RBFOX1: variants seen among roughly 807,000 people sequenced by gnomAD.
RBFOX1 encodes the protein RNA binding fox-1 homolog 1, also known as RNA binding protein fox-1 homolog 1.
RBFOX1 carries 8 observed loss-of-function variants against 57.7 expected under a neutral mutation model. That is an observed-to-expected ratio of 0.14 (90% CI 0.08 to 0.25). RBFOX1 has a LOEUF of 0.25. Among genes scored for constraint, RBFOX1 ranks in the 10% least tolerant of loss-of-function variants. The pLI, the probability that RBFOX1 is intolerant of heterozygous loss-of-function variation, is 1.00. For missense variants in RBFOX1, 611 were observed against 548.5 expected (o/e 1.11, Z -1.14); for synonymous variants, 326 against 222.4 (o/e 1.47, Z -4.15).
At chr16:7,091,793 C>T (rs1304019487) in intron 4 of RBFOX1, among the ~76,000 whole-genome samples, 1 of 152,176 alleles carries the variant, frequency 6.6e-6, no homozygotes, top group African/African-American at 2.4e-5. Flanking sequence ...ACTCTACATT[C>T]TAGAGCTTCG....
intron 2 of RBFOX1, among the ~76,000 whole-genome samples, chr16:5,528,889 A>G (rs1264330460): frequency 6.6e-6 from 1 of 152,034 alleles, no homozygotes; most frequent in African/African-American, 2.4e-5. Flanking sequence ...AGCTCAAGTG[A>G]TCCATCTGCT....
intron 3 of RBFOX1, among the ~76,000 whole-genome samples, chr16:6,871,155 C>G (rs2060799252): frequency 6.6e-6 from 1 of 152,112 alleles, no homozygotes; most frequent in African/African-American, 2.4e-5. Flanking sequence ...TTGAATAAAC[C>G]AACTGAAGTT....
At chr16:7,172,617 C>G (rs1231583425) in intron 4 of RBFOX1, among the ~76,000 whole-genome samples, 2 of 152,108 alleles carry the variant, frequency 1.3e-5, no homozygotes, top group Non-Finnish European at 2.9e-5. Context: ...AAAGAAAACT[C>G]TCTCTTACTT....
At chr16:7,242,561 G>C (rs2094119068) in intron 4 of RBFOX1, among the ~76,000 whole-genome samples, 1 of 152,166 alleles carries the variant, frequency 6.6e-6, no homozygotes, top group East Asian at 1.9e-4. Flanking sequence ...TGGCAACTTG[G>C]ACATGGGGAG....
intron 14 of RBFOX1, among the ~76,000 whole-genome samples, chr16:7,702,231 T>C (rs1256640656): frequency 6.6e-6 from 1 of 152,204 alleles, no homozygotes; most frequent in Non-Finnish European, 1.5e-5. Context: ...AGACTGATCA[T>C]TTCAGAGATA....
chr16:7,432,926 C>A (rs1043117921), intron 4 of RBFOX1, among the ~76,000 whole-genome samples: 21 of 152,326 alleles, frequency 1.4e-4, no homozygotes, highest in African/African-American at 5.1e-4. Flanking sequence ...CCAGAGGATT[C>A]AATGTGTCAA....
chr16:6,998,338 A>C (rs947892067), intron 3 of RBFOX1, among the ~76,000 whole-genome samples: 2 of 152,312 alleles, frequency 1.3e-5, no homozygotes, highest in Admixed American at 6.5e-5. Flanking sequence ...ATTGTGTTCA[A>C]GTGTTTACAC....
chr16:7,219,222 C>G (rs1202620342), intron 4 of RBFOX1, among the ~76,000 whole-genome samples: 1 of 152,206 alleles, frequency 6.6e-6, no homozygotes, highest in Non-Finnish European at 1.5e-5. Context: ...AGGCAGCATG[C>G]TCTACCAATT....
chr16:6,943,581 G>A (rs1003239944), intron 3 of RBFOX1, among the ~76,000 whole-genome samples: 21 of 152,036 alleles, frequency 1.4e-4, no homozygotes, highest in Non-Finnish European at 2.5e-4. Flanking sequence ...GGTGGCGGGT[G>A]CCTGTAGTCC....
At chr16:6,472,626 C>G (rs1448399966) in intron 2 of RBFOX1, among the ~76,000 whole-genome samples, 1 of 150,884 alleles carries the variant, frequency 6.6e-6, no homozygotes, top group Non-Finnish European at 1.5e-5. Flanking sequence ...TTTTTTCTTT[C>G]TTTCTTTTTT....
At chr16:5,455,041 CTCTT>C (rs1413757395) in intron 1 of RBFOX1, among the ~76,000 whole-genome samples, 1 of 131,412 alleles carries the variant, frequency 7.6e-6, no homozygotes, top group East Asian at 2.2e-4. Context: ...CTGTCTGTCT[CTCTT>C]TCTTTCTTTC....
At chr16:6,907,414 C>G (rs1476592256) in intron 3 of RBFOX1, among the ~76,000 whole-genome samples, 2 of 152,146 alleles carry the variant, frequency 1.3e-5, no homozygotes, top group African/African-American at 4.8e-5. Context: ...TAAGAAAGAA[C>G]TAAAGACTTG....
chr16:6,341,041 G>T (rs1258745298), intron 2 of RBFOX1, among the ~76,000 whole-genome samples: 1 of 152,122 alleles, frequency 6.6e-6, no homozygotes, highest in East Asian at 1.9e-4. Flanking sequence ...GTCTTGTAGG[G>T]CATGTGTAAG....
At chr16:6,611,855 T>A (rs986518378) in intron 2 of RBFOX1, among the ~76,000 whole-genome samples, 2 of 152,022 alleles carry the variant, frequency 1.3e-5, no homozygotes, top group Non-Finnish European at 2.9e-5. Flanking sequence ...CTGGGCAGTG[T>A]CCACCATGGC....
rs2076568499 is a variant in RBFOX1, at chr16:6,931,577, C to T, written c.-15-120480C>T. 2.0e-5 allele frequency among the ~76,000 whole-genome samples: 3 copies of T among 152,202 alleles called. No homozygotes were observed. In the South Asian group the frequency reaches 6.2e-4, roughly 32 times the overall value. ...CTTTGTCAATTCACACTCTTGCCAC[C>T]CTACAATGGACAACATATCCCACCC... On this transcript the variant is annotated intron_variant, in intron 3 of 15. Coordinates refer to ENST00000550418, the MANE Select transcript of RBFOX1 (RefSeq NM_018723.4).
At chr16:7,657,705 C>G (rs866838743) in intron 12 of RBFOX1, among the ~76,000 whole-genome samples, 1 of 152,204 alleles carries the variant, frequency 6.6e-6, no homozygotes, top group South Asian at 2.1e-4. Context: ...TGAAGAGGCC[C>G]TTTTTTGTCT....
chr16:7,183,089 C>A (rs772176325), intron 4 of RBFOX1, among the ~76,000 whole-genome samples: 7 of 152,082 alleles, frequency 4.6e-5, no homozygotes, highest in Non-Finnish European at 1.0e-4. Flanking sequence ...CCCTAACTGC[C>A]AATTTCCTAG....
At chr16:7,361,218 G>T (rs916151420) in intron 4 of RBFOX1, among the ~76,000 whole-genome samples, 2 of 152,074 alleles carry the variant, frequency 1.3e-5, no homozygotes, top group Non-Finnish European at 2.9e-5. Context: ...TTTTATGCAG[G>T]TTCTGGGCTC....
intron 1 of RBFOX1, among the ~76,000 whole-genome samples, chr16:6,183,118 T>A (rs1434826883): frequency 3.3e-5 from 5 of 152,108 alleles, no homozygotes; most frequent in Non-Finnish European, 7.4e-5. Context: ...CTATTGGGTG[T>A]CAGGTGGCAT....
Sources: allele counts gnomAD v4.1 joint callset (sites outside exome capture counted in the v4.1 genomes callset), GRCh38; gene constraint gnomAD v4.1.1; transcripts MANE v1.5; gene names NCBI Gene and HGNC (gene_info 2026-07-23, HGNC 2026-07-21).